The following TIAM1 variants were observed in gnomAD, a reference collection of about 807,000 sequenced individuals.
TIAM1 encodes the protein rho guanine nucleotide exchange factor TIAM1.
A neutral mutation model predicts 163.5 loss-of-function variants in TIAM1; 65 were observed. The observed-to-expected ratio is 0.40, with a 90% CI of 0.33 to 0.49. TIAM1 has a LOEUF of 0.49. TIAM1 is among the 20% of genes least tolerant of loss of function. TIAM1 has a pLI of 0.77. For synonymous variants in TIAM1, 833 were observed against 810.1 expected (o/e 1.03, Z -0.48); for missense variants, 1,789 against 2,044.7 (o/e 0.87, Z 2.41).
intron 2 of TIAM1, among the ~76,000 whole-genome samples, chr21:31,304,784 C>T (rs557225030): frequency 2.8e-4 from 42 of 152,316 alleles, no homozygotes; most frequent in African/African-American, 8.9e-4. Context: ...CCTCCGCCTC[C>T]TGGGTTTAAG....
intron 14 of TIAM1, among the ~76,000 whole-genome samples, chr21:31,183,312 G>A (rs1190465160): frequency 1.3e-5 from 2 of 152,174 alleles, no homozygotes; most frequent in Non-Finnish European, 2.9e-5. Context: ...CCAAGGGAAC[G>A]ACCATGAACA....
intron 2 of TIAM1, among the ~76,000 whole-genome samples, chr21:31,435,619 G>C (rs1475533173): frequency 2.6e-5 from 4 of 152,106 alleles, no homozygotes; most frequent in South Asian, 2.1e-4. Context: ...TGAAAAATTG[G>C]CCTAGTGTTT....
chr21:31,123,233 A>G, intron 27 of TIAM1, among the ~76,000 whole-genome samples: 1 of 152,330 alleles, frequency 6.6e-6, no homozygotes, highest in Admixed American at 6.5e-5. Context: ...AACAACTGAA[A>G]CAGGTTGAGT....
chr21:31,262,874 A>T (rs1010630279), intron 4 of TIAM1, among the ~76,000 whole-genome samples: 1 of 152,206 alleles, frequency 6.6e-6, no homozygotes, highest in Non-Finnish European at 1.5e-5. Context: ...GCAGCCAAGG[A>T]GACTTTAATA....
In TIAM1 at chr21:31,182,422, TG is replaced by T; in HGVS notation, c.2885del (p.Pro962GlnfsTer51). 1 of 1,565,184 alleles carries T rather than the reference TG, an allele frequency of 6.4e-7. No homozygotes were observed. Among genetic ancestry groups the T allele is most frequent in the South Asian group, 1.2e-5 (1 of 82,034 alleles). On this transcript the variant is annotated frameshift_variant and splice_region_variant, in exon 15 of 28. Transcript: ENST00000541036. LOFTEE classifies it high-confidence loss of function. ...ESPLAFLTSN[P>X]GHSLCSEQGS... is the part of the protein sequence containing the mutation. Reference sequence around the variant, plus strand: ...CCCCAGCACCCTGCACAGCCATACCTGGGTTGCTGGTGAGAAAGGCGAGGGG... The same window carrying T: ...CCCCAGCACCCTGCACAGCCATACCTGGTTGCTGGTGAGAAAGGCGAGGGG...
At chr21:31,522,763 T>C (rs2047646981) in intron 1 of TIAM1, among the ~76,000 whole-genome samples, 1 of 152,182 alleles carries the variant, frequency 6.6e-6, no homozygotes, top group Non-Finnish European at 1.5e-5. Flanking sequence ...CCAAATGGGA[T>C]CACTGGCTAT....
At chr21:31,210,890 C>T (rs974104312) in intron 10 of TIAM1, among the ~76,000 whole-genome samples, 1 of 152,012 alleles carries the variant, frequency 6.6e-6, no homozygotes, top group African/African-American at 2.4e-5. Context: ...GGAATTCCTA[C>T]AACAAGCACA....
intron 2 of TIAM1, among the ~76,000 whole-genome samples, chr21:31,336,349 G>C (rs74980018): frequency 0.024 from 3,662 of 152,232 alleles, 171 homozygotes; most frequent in African/African-American, 0.084. Flanking sequence ...TCCCTCCGGG[G>C]GGAAGATGGG....
intron 2 of TIAM1, among the ~76,000 whole-genome samples, chr21:31,281,680 GTGGATGGA>G (rs546267553): frequency 2.0e-5 from 3 of 152,040 alleles, no homozygotes; most frequent in Non-Finnish European, 2.9e-5. Context: ...GGACAGATAA[GTGGATGGA>G]TGGATGGATG....
intron 2 of TIAM1, among the ~76,000 whole-genome samples, chr21:31,437,502 C>CAAAAAA (rs778245444): frequency 4.3e-4 from 46 of 106,534 alleles, no homozygotes; most frequent in African/African-American, 1.6e-3. Context: ...GACCCTGTCT[C>CAAAAAA]AAAAAAAAAA....
chr21:31,328,796 T>TG (rs2075579503), intron 2 of TIAM1, among the ~76,000 whole-genome samples: 1 of 150,760 alleles, frequency 6.6e-6, no homozygotes. Flanking sequence ...CACTTATGAG[T>TG]GATAACCTGT....
intron 6 of TIAM1, among the ~76,000 whole-genome samples, chr21:31,226,812 A>G (rs2088004182): frequency 1.3e-5 from 2 of 152,154 alleles, no homozygotes; most frequent in Admixed American, 1.3e-4. Context: ...TCAAGAAATA[A>G]TCTATTCAGC....
chr21:31,450,731 C>T (rs181810758), intron 2 of TIAM1, among the ~76,000 whole-genome samples: 47 of 152,282 alleles, frequency 3.1e-4, no homozygotes, highest in African/African-American at 9.6e-4. Flanking sequence ...AGGCGAAACG[C>T]GTGCCTTACA....
intron 2 of TIAM1, among the ~76,000 whole-genome samples, chr21:31,310,325 T>C (rs2074875878): frequency 6.6e-6 from 1 of 152,148 alleles, no homozygotes; most frequent in African/African-American, 2.4e-5. Context: ...TAGAGGAAGC[T>C]TGGGTCCTTG....
At chr21:31,312,782 G>T (rs2074979991) in intron 2 of TIAM1, among the ~76,000 whole-genome samples, 1 of 152,134 alleles carries the variant, frequency 6.6e-6, no homozygotes, top group Admixed American at 6.5e-5. Flanking sequence ...CTTTCCCGGA[G>T]GATTCTGCTA....
At chr21:31,538,623 T>A (rs1186549255) in intron 1 of TIAM1, among the ~76,000 whole-genome samples, 1 of 152,194 alleles carries the variant, frequency 6.6e-6, no homozygotes, top group African/African-American at 2.4e-5. Flanking sequence ...CAGAATGCTG[T>A]CATCATTCAA....
intron 1 of TIAM1, among the ~76,000 whole-genome samples, chr21:31,546,556 A>AGAAAGAAAG (rs1556029415): frequency 7.0e-6 from 1 of 143,388 alleles, no homozygotes; most frequent in Non-Finnish European, 1.5e-5. Flanking sequence ...TCTCAAAAAA[A>AGAAAGAAAG]AAAGAAAGAA....
At chr21:31,407,535 A>G (rs1382791866) in intron 2 of TIAM1, among the ~76,000 whole-genome samples, 3 of 152,140 alleles carry the variant, frequency 2.0e-5, no homozygotes, top group Non-Finnish European at 4.4e-5. Context: ...TTAAAACCAA[A>G]AGAAAGTCCG....
At chr21:31,457,022 T>A (rs1420691793) in intron 2 of TIAM1, among the ~76,000 whole-genome samples, 1 of 152,232 alleles carries the variant, frequency 6.6e-6, no homozygotes, top group East Asian at 1.9e-4. Flanking sequence ...TTTCACAGTT[T>A]TCCTTTTCCA....
Sources: allele counts gnomAD v4.1 joint callset (sites outside exome capture counted in the v4.1 genomes callset), GRCh38; gene constraint gnomAD v4.1.1; transcripts MANE v1.5; gene names NCBI Gene and HGNC (gene_info 2026-07-23, HGNC 2026-07-21).